Variants in ACTN2 observed in about 807,000 individuals in gnomAD.
ACTN2 encodes the protein actinin alpha 2, also known as alpha-actinin-2.
In ACTN2, 39 loss-of-function variants were observed where a neutral mutation model predicts 113.8. The ratio of observed to expected loss-of-function variants is 0.34; its 90% CI spans 0.27 to 0.45. The LOEUF (loss-of-function observed/expected upper bound fraction) is 0.45. ACTN2 is among the 20% of genes least tolerant of loss of function. The pLI, the probability that ACTN2 is intolerant of heterozygous loss-of-function variation, is 1.00. For synonymous variants in ACTN2, 429 were observed against 444.1 expected (o/e 0.97, Z 0.43); for missense variants, 992 against 1,177.9 (o/e 0.84, Z 2.31).
chr1:236,761,578 ACCCTGACTTTGTG>A (rs1188082972), intron 20 of ACTN2, among the ~76,000 whole-genome samples: 4 of 152,104 alleles, frequency 2.6e-5, no homozygotes, highest in Non-Finnish European at 4.4e-5. Context: ...AGGATCAATG[ACCCTGACTTTGTG>A]CCCAGCCATG....
At chr1:236,742,431 G>A (rs1288975930) in intron 10 of ACTN2, among the ~76,000 whole-genome samples, 1 of 152,174 alleles carries the variant, frequency 6.6e-6, no homozygotes, top group Non-Finnish European at 1.5e-5. Flanking sequence ...GAAGCCAGGT[G>A]TGGTGGCACA....
chr1:236,715,105 GA>G (rs1182220482), intron 1 of ACTN2, among the ~76,000 whole-genome samples: 1 of 152,056 alleles, frequency 6.6e-6, no homozygotes, highest in Non-Finnish European at 1.5e-5. Flanking sequence ...ACAAAGGTGA[GA>G]GGATGGATTT....
chr1:236,721,022 G>GTTTTTTTT (rs869077774), intron 4 of ACTN2, among the ~76,000 whole-genome samples: 61 of 66,434 alleles, frequency 9.2e-4, no homozygotes, highest in Middle Eastern at 0.013. Flanking sequence ...TTTGTTTTTT[G>GTTTTTTTT]TTTTTTTTTT....
At chr1:236,711,471 C>T (rs1001123063) in intron 1 of ACTN2, among the ~76,000 whole-genome samples, 1 of 152,198 alleles carries the variant, frequency 6.6e-6, no homozygotes, top group Admixed American at 6.5e-5. Context: ...GCCTCAGTCT[C>T]CTGAGTAGCT....
intron 4 of ACTN2, among the ~76,000 whole-genome samples, chr1:236,723,559 A>C (rs1214182142): frequency 6.6e-6 from 1 of 152,166 alleles, no homozygotes; most frequent in Non-Finnish European, 1.5e-5. Context: ...TCTGCCTCCC[A>C]GGCTCAAGCA....
At chr1:236,752,592 C>T (rs543527729) in intron 15 of ACTN2, among the ~76,000 whole-genome samples, 1 of 152,160 alleles carries the variant, frequency 6.6e-6, no homozygotes, top group Admixed American at 6.5e-5. Flanking sequence ...CACTCTGTTG[C>T]CCAGGCTAGA....
intron 8 of ACTN2, chr1:236,736,454 C>A (rs961082432): frequency 5.8e-6 from 4 of 685,684 alleles, no homozygotes; most frequent in Admixed American, 5.8e-5. Context: ...TCTCTTGTTC[C>A]ATCAGACAGT....
chr1:236,759,024 G>T (rs951906137), intron 18 of ACTN2, among the ~76,000 whole-genome samples: 10 of 152,160 alleles, frequency 6.6e-5, no homozygotes, highest in African/African-American at 2.4e-4. Context: ...AATGCCTCTG[G>T]GCTAGATAGA....
chr1:236,754,930 G>A lies in ACTN2; in HGVS notation c.1975-89G>A. ...GCCTGACGCTGGCCTAGCATCCCAT[G>A]CAGGGTCTGGAACGGCGCCTCGTGC... On this transcript the variant is annotated intron_variant, in intron 16 of 20. Transcript: ENST00000366578. The surrounding 1 kb of genome is among the most constrained non-coding windows in gnomAD (Gnocchi z 4.9). 6.6e-7 allele frequency: 1 copy of A among 1,510,176 alleles called. No individual in the cohort carries two copies. The highest frequency in any genetic ancestry group is 9.2e-7 in the Non-Finnish European group (1 of 1,087,300). 93.5% of individuals were successfully genotyped at this position (1,510,176 alleles called of 1,614,324 possible).
chr1:236,716,739 A>G (rs1360832267), intron 1 of ACTN2, among the ~76,000 whole-genome samples: 1 of 151,766 alleles, frequency 6.6e-6, no homozygotes, highest in Non-Finnish European at 1.5e-5. Context: ...CCCGAGATAA[A>G]CTAGTTCTAG....
At chr1:236,741,656 C>T (rs1224521348) in intron 10 of ACTN2, among the ~76,000 whole-genome samples, 1 of 152,174 alleles carries the variant, frequency 6.6e-6, no homozygotes, top group Non-Finnish European at 1.5e-5. Flanking sequence ...CTCTTAATCC[C>T]CTTCTCTTTA....
chr1:236,706,225 C>T (rs936616153), intron 1 of ACTN2, among the ~76,000 whole-genome samples: 8 of 151,972 alleles, frequency 5.3e-5, no homozygotes, highest in East Asian at 1.9e-4. Flanking sequence ...AGCAGATACA[C>T]ATTTTTAGCT....
chr1:236,701,521 G>A (rs185701302), intron 1 of ACTN2, among the ~76,000 whole-genome samples: 26 of 152,274 alleles, frequency 1.7e-4, no homozygotes, highest in Admixed American at 1.2e-3. Flanking sequence ...GTCCTCCTGC[G>A]GGCCAGGTTG....
chr1:236,741,265 C>T (rs1659058887), intron 10 of ACTN2, among the ~76,000 whole-genome samples: 1 of 152,110 alleles, frequency 6.6e-6, no homozygotes. Flanking sequence ...GGCCCAAACT[C>T]CTGGGCTCAA....
chr1:236,743,075 A>G (rs920396528), intron 11 of ACTN2, 32 bp downstream of exon 11: 2 of 1,613,354 alleles, frequency 1.2e-6, no homozygotes, highest in Non-Finnish European at 1.7e-6. Flanking sequence ...TGGATTTTTG[A>G]AAAACCAGAG....
Position 236,757,507 on chromosome 1 carries a change from C to G in ACTN2, c.2176C>G (p.Leu726Val). The change falls in exon 18 of 21, where the codon CTG (leucine) becomes GTG (valine). Residue 726 changes from leucine (L) to valine (V), a missense_variant. Around this residue, in one of 3 missense-constraint regions of ACTN2, gnomAD observed 736 missense variants for 815.4 expected, o/e 0.90. Transcript: ENST00000366578. ...ATAGCACATTCGTGTTGGATGGGAG[C>G]TGCTGCTGACAACCATCGCCAGAAC... is the stretch of plus-strand genomic sequence containing the variant. ...TMEHIRVGWE[L>V]LLTTIARTIN... 6.2e-7 allele frequency: 1 copy of G among 1,614,096 alleles called. No individual in the cohort carries two copies. The highest frequency in any genetic ancestry group is 1.1e-5 in the South Asian group (1 of 91,082).
intron 9 of ACTN2, 84 bp downstream of exon 9, chr1:236,737,298 C>CTTTT (rs1658912707): frequency 3.2e-6 from 1 of 314,634 alleles, no homozygotes; most frequent in African/African-American, 2.6e-5. Context: ...TCCGTGGGGG[C>CTTTT]ATATATATAT....
intron 1 of ACTN2, among the ~76,000 whole-genome samples, chr1:236,710,931 C>T (rs945509476): frequency 6.6e-6 from 1 of 152,076 alleles, no homozygotes; most frequent in Non-Finnish European, 1.5e-5. Context: ...TCCACGAAAC[C>T]GGTCCCTGGT....
chr1:236,757,502 G>A lies in ACTN2; in HGVS notation c.2171G>A (p.Trp724Ter). 6.2e-7 allele frequency: 1 copy of A among 1,614,154 alleles called. No individual in the cohort carries two copies. Among genetic ancestry groups the A allele is most frequent in the Non-Finnish European group, 8.5e-7 (1 of 1,180,032 alleles). The change falls in exon 18 of 21, where the codon TGG (tryptophan) becomes TAG (stop). Residue 724 changes from tryptophan to a stop codon, truncating the protein, a stop_gained. Transcript: ENST00000366578. LOFTEE classifies it high-confidence loss of function. ...NYTMEHIRVGWELLLTTIART... is the reference protein window; with the variant it reads ...NYTMEHIRVG ...CCTCAATAGCACATTCGTGTTGGATGGGAGCTGCTGCTGACAACCATCGCC... is the reference window on the plus strand; with the variant it reads ...CCTCAATAGCACATTCGTGTTGGATAGGAGCTGCTGCTGACAACCATCGCC...
Sources: allele counts gnomAD v4.1 joint callset (sites outside exome capture counted in the v4.1 genomes callset), GRCh38; gene constraint gnomAD v4.1.1; regional missense constraint gnomAD v4.1.1; non-coding constraint Gnocchi (gnomAD v3.1); transcripts MANE v1.5; gene names NCBI Gene and HGNC (gene_info 2026-07-23, HGNC 2026-07-21).